The following USH2A variants were observed in gnomAD, a reference collection of about 807,000 sequenced individuals.
The protein encoded by USH2A is Usher syndrome 2A (autosomal recessive, mild).
In USH2A, 443 loss-of-function variants were observed where a neutral mutation model predicts 538.9. That is an observed-to-expected ratio of 0.82 (90% CI 0.76 to 0.89). USH2A has a LOEUF of 0.89. USH2A is among the 40% of genes least tolerant of loss of function. USH2A has a pLI of 0.00. For missense variants in USH2A, 6,633 were observed against 6,324.8 expected (o/e 1.05, Z -1.65); for synonymous variants, 2,413 against 2,273.5 (o/e 1.06, Z -1.75).
chr1:216,382,691 G>A (rs1010459856), intron 3 of USH2A, among the ~76,000 whole-genome samples: 26 of 152,162 alleles, frequency 1.7e-4, no homozygotes, highest in East Asian at 3.9e-4. Context: ...AGTGTGTGCC[G>A]TGAAAAGTGC....
chr1:215,725,540 G>C (rs1659787881), intron 61 of USH2A, among the ~76,000 whole-genome samples: 3 of 152,172 alleles, frequency 2.0e-5, no homozygotes, highest in Admixed American at 2.0e-4. Context: ...AAAAGATCAG[G>C]TGGGACCTTT....
intron 30 of USH2A, among the ~76,000 whole-genome samples, chr1:216,065,913 A>C (rs1172963024): frequency 6.6e-6 from 1 of 151,962 alleles, no homozygotes; most frequent in Non-Finnish European, 1.5e-5. Context: ...TAAAAAAATA[A>C]AATAAAATAA....
At position 216,011,734 on chromosome 1, in the gene USH2A, C is replaced by T. The variant is rs534578001; in HGVS notation, c.6326-11172G>A. ...CTACATTTCTCATAATTTCCAAAAT[C>T]TATTTTCTTCCTCATACCTGACGCA... On this transcript the variant is annotated intron_variant, in intron 32 of 71. Transcript: ENST00000307340. Among the ~76,000 whole-genome samples, 80 of 152,180 alleles carry T rather than the reference C, an allele frequency of 5.3e-4. 1 individual carries two copies. Among genetic ancestry groups the T allele is most frequent in the Middle Eastern group, 3.4e-3 (1 of 294 alleles).
At chr1:215,954,356 C>T (rs962332004) in intron 37 of USH2A, among the ~76,000 whole-genome samples, 2 of 151,984 alleles carry the variant, frequency 1.3e-5, no homozygotes, top group African/African-American at 4.8e-5. Context: ...AAGTGTGGCA[C>T]AAATACACCA....
intron 70 of USH2A, among the ~76,000 whole-genome samples, chr1:215,632,044 ACTT>A (rs1348204985): frequency 1.3e-5 from 2 of 151,304 alleles, no homozygotes; most frequent in Admixed American, 6.6e-5. Flanking sequence ...TGTGCATCAG[ACTT>A]CTTTTTTTGT....
rs114669361 is a variant in USH2A, at chr1:215,985,839, G to A, written c.6805+7181C>T. Among the ~76,000 whole-genome samples the A allele has an allele frequency of 9.9e-3, 1,500 of 152,110 alleles. 9 individuals carry two copies. Among genetic ancestry groups the A allele is most frequent in the Non-Finnish European group, 0.016 (1,109 of 67,980 alleles). On this transcript the variant is annotated intron_variant, in intron 35 of 71. Transcript: ENST00000307340. ...CACCCATTATTGACAGAATATATAAGCTCAAAACACTGAGCCAAATGTTTT... is the reference window on the plus strand; with the variant it reads ...CACCCATTATTGACAGAATATATAAACTCAAAACACTGAGCCAAATGTTTT...
chr1:215,631,840 T>A (rs1483035420), intron 70 of USH2A, among the ~76,000 whole-genome samples: 3 of 152,202 alleles, frequency 2.0e-5, no homozygotes, highest in Non-Finnish European at 4.4e-5. Flanking sequence ...ACAGGGTGTT[T>A]ACATTCTTTT....
Position 216,231,973 on chromosome 1 carries a change from T to C in USH2A, c.2973A>G (p.Gly991=), listed in dbSNP as rs756073932. ...RCDQCKDHYF[G]FDPQTGRCQP... ...TGTACCTTCCAGTCTGAGGATCAAATCCAAAGTAATGGTCTTTGCATTGGT... is the reference window on the plus strand; with the variant it reads ...TGTACCTTCCAGTCTGAGGATCAAACCCAAAGTAATGGTCTTTGCATTGGT... Residue 991 remains glycine (G), a synonymous_variant, in exon 14 of 72, where the codon GGA becomes GGG. Coordinates refer to ENST00000307340, the MANE Select transcript of USH2A (RefSeq NM_206933.4). 6.8e-6 allele frequency: 11 copies of C among 1,613,848 alleles called. No individual in the cohort carries two copies. In the South Asian group the frequency reaches 1.2e-4, roughly 18 times the overall value.
intron 32 of USH2A, among the ~76,000 whole-genome samples, chr1:216,017,114 A>G (rs1313718995): frequency 6.6e-6 from 1 of 152,018 alleles, no homozygotes; most frequent in African/African-American, 2.4e-5. Flanking sequence ...GGTTACTTTT[A>G]TGATATAAAA....
At chr1:215,852,977 G>T (rs1664058763) in intron 44 of USH2A, among the ~76,000 whole-genome samples, 1 of 152,116 alleles carries the variant, frequency 6.6e-6, no homozygotes, top group Admixed American at 6.5e-5. Flanking sequence ...TACTATTCTG[G>T]GGTCTAGAGG....
intron 26 of USH2A, among the ~76,000 whole-genome samples, chr1:216,081,481 C>T (rs921537777): frequency 5.9e-5 from 9 of 152,084 alleles, no homozygotes; most frequent in African/African-American, 2.2e-4. Flanking sequence ...ATATGGCAGA[C>T]CGTAATGTTA....
chr1:215,900,636 T>G, intron 39 of USH2A, 119 bp downstream of exon 39: 2 of 1,328,894 alleles, frequency 1.5e-6, no homozygotes, highest in Non-Finnish European at 2.1e-6. Flanking sequence ...TTTGGGGTTT[T>G]TTTGTACTTT....
chr1:216,205,163 G>A (rs2102477707), intron 16 of USH2A, among the ~76,000 whole-genome samples: 1 of 152,214 alleles, frequency 6.6e-6, no homozygotes, highest in South Asian at 2.1e-4. Context: ...TAAGCTGTAT[G>A]GAAAGTAGGG....
At chr1:216,137,066 G>A (rs2102607304) in intron 21 of USH2A, among the ~76,000 whole-genome samples, 1 of 152,176 alleles carries the variant, frequency 6.6e-6, no homozygotes, top group Non-Finnish European at 1.5e-5. Flanking sequence ...ATTGGAAAGA[G>A]TAGAAAACTA....
At position 216,418,010 on chromosome 1, in the gene USH2A, A is replaced by G. The variant is rs75083830; in HGVS notation, c.651+504T>C. On this transcript the variant is annotated intron_variant, in intron 3 of 71. Coordinates refer to ENST00000307340, the MANE Select transcript of USH2A (RefSeq NM_206933.4). ...CTCATACAAACTGTGGTTGACAACTAAAATAATAATATAACACCTTTTGAG... is the reference window on the plus strand; with the variant it reads ...CTCATACAAACTGTGGTTGACAACTGAAATAATAATATAACACCTTTTGAG... Among the ~76,000 whole-genome samples the G allele has an allele frequency of 7.0e-4, 106 of 152,224 alleles. 1 individual carries two copies. Among genetic ancestry groups the G allele is most frequent in the African/African-American group, 2.4e-3 (100 of 41,546 alleles).
At chr1:216,092,096 C>A (rs188138186) in intron 22 of USH2A, among the ~76,000 whole-genome samples, 38 of 152,208 alleles carry the variant, frequency 2.5e-4, no homozygotes, top group Admixed American at 1.4e-3. Flanking sequence ...CAAAGCTAGA[C>A]GTTGTAAGCC....
chr1:215,675,417 G>A lies in USH2A; in HGVS notation c.12494C>T (p.Ser4165Phe). Residue 4165 changes from serine to phenylalanine, a missense_variant, in exon 63 of 72, where the codon TCT becomes TTT. Coordinates refer to ENST00000307340, the MANE Select transcript of USH2A (RefSeq NM_206933.4). Reference protein sequence around the residue: ...PDSQLAPTVHSVKSTSVELSW... With the variant: ...PDSQLAPTVHFVKSTSVELSW... ...CAGCTCAACACTGGTGGACTTCACA[G>A]AGTGGACAGTAGGAGCCAGCTGAGA... 6.2e-7 allele frequency: 1 copy of A among 1,614,114 alleles called. No individual in the cohort carries two copies. Among genetic ancestry groups the A allele is most frequent in the Non-Finnish European group, 8.5e-7 (1 of 1,180,012 alleles).
At position 216,067,259 on chromosome 1, in the gene USH2A, C is replaced by T. The variant is rs138058281; in HGVS notation, c.6049+2842G>A. 4.2e-3 allele frequency among the ~76,000 whole-genome samples: 640 copies of T among 152,052 alleles called. 3 individuals carry two copies. The highest frequency in any genetic ancestry group is 0.019 in the South Asian group (92 of 4,810). ...GGGAACATCACATATCGGGGCCTGT[C>T]GAGCGGTGGAGGGTGTGTGTAGGGG... On this transcript the variant is annotated intron_variant, in intron 30 of 71. Transcript: ENST00000307340.
chr1:216,108,230 G>A (rs12062532), intron 21 of USH2A, among the ~76,000 whole-genome samples: 2,139 of 151,650 alleles, frequency 0.014, 58 homozygotes, highest in African/African-American at 0.049. Context: ...TGAATAATAC[G>A]TTCACTGAAT....
Sources: allele counts gnomAD v4.1 joint callset (sites outside exome capture counted in the v4.1 genomes callset), GRCh38; gene constraint gnomAD v4.1.1; transcripts MANE v1.5; gene names NCBI Gene and HGNC (gene_info 2026-07-23, HGNC 2026-07-21).